Variants in NALF1 observed in about 807,000 individuals in gnomAD.
The protein encoded by NALF1 is family with sequence similarity 155 member A.
NALF1 carries 3 observed loss-of-function variants against 48.4 expected under a neutral mutation model. The observed-to-expected ratio is 0.06, with a 90% CI of 0.03 to 0.16. The LOEUF (loss-of-function observed/expected upper bound fraction) is 0.16. Ranked by LOEUF, NALF1 falls within the 10% of genes least tolerant of loss-of-function variation. The pLI, the probability that NALF1 is intolerant of heterozygous loss-of-function variation, is 1.00. For missense variants in NALF1, 526 were observed against 571.5 expected (o/e 0.92, Z 0.81); for synonymous variants, 262 against 245.7 (o/e 1.07, Z -0.62).
At chr13:107,315,872 T>C (rs1046170094) in intron 1 of NALF1, among the ~76,000 whole-genome samples, 1 of 150,020 alleles carries the variant, frequency 6.7e-6, no homozygotes, top group African/African-American at 2.4e-5. Context: ...GCCCAAAATA[T>C]CTTATTTTTT....
intron 2 of NALF1, among the ~76,000 whole-genome samples, chr13:107,206,420 C>T (rs754353961): frequency 1.3e-5 from 2 of 152,112 alleles, no homozygotes; most frequent in African/African-American, 2.4e-5. Flanking sequence ...AAGTAAGTTC[C>T]TGGCTTACTA....
chr13:107,595,199 T>C (rs945813086), intron 1 of NALF1, among the ~76,000 whole-genome samples: 32 of 152,210 alleles, frequency 2.1e-4, no homozygotes, highest in Admixed American at 1.4e-3. Context: ...ACCTAGTCAT[T>C]TGGAAATTGT....
At chr13:107,694,372 C>G (rs1043408726) in intron 1 of NALF1, among the ~76,000 whole-genome samples, 4 of 152,096 alleles carry the variant, frequency 2.6e-5, no homozygotes, top group African/African-American at 9.7e-5. Flanking sequence ...TAAGGAAAGG[C>G]AGGCTGCATT....
chr13:107,563,818 T>C (rs1211249441), intron 1 of NALF1, among the ~76,000 whole-genome samples: 1 of 152,214 alleles, frequency 6.6e-6, no homozygotes, highest in Non-Finnish European at 1.5e-5. Context: ...AACATTTACT[T>C]GTATAATTTT....
At chr13:107,833,899 C>T (rs1023840416) in intron 1 of NALF1, among the ~76,000 whole-genome samples, 3 of 151,606 alleles carry the variant, frequency 2.0e-5, no homozygotes, top group African/African-American at 7.3e-5. Flanking sequence ...TTTAATAATG[C>T]CATTCACTAA....
At chr13:107,520,326 T>C (rs974801334) in intron 1 of NALF1, among the ~76,000 whole-genome samples, 1 of 152,212 alleles carries the variant, frequency 6.6e-6, no homozygotes, top group African/African-American at 2.4e-5. Context: ...TACAAATGAA[T>C]TTCAGGCCTC....
chr13:107,299,456 TAATAATAATAATAATA>T (rs963873216), intron 1 of NALF1, among the ~76,000 whole-genome samples: 14 of 48,930 alleles, frequency 2.9e-4, no homozygotes, highest in Admixed American at 7.5e-4. Flanking sequence ...ATAATAATAA[TAATAATAATAATAATA>T]AATAAATAAA....
chr13:107,331,686 T>C (rs1281270932), intron 1 of NALF1, among the ~76,000 whole-genome samples: 3 of 152,152 alleles, frequency 2.0e-5, no homozygotes, highest in Non-Finnish European at 1.5e-5. Context: ...GAAATAACAA[T>C]AGGATTTAGA....
At chr13:107,567,171 A>T (rs2138398275) in intron 1 of NALF1, among the ~76,000 whole-genome samples, 1 of 152,186 alleles carries the variant, frequency 6.6e-6, no homozygotes, top group South Asian at 2.1e-4. Flanking sequence ...TTTTTTAAAA[A>T]CTCAGTTTCA....
At chr13:107,774,777 T>C (rs1010009131) in intron 1 of NALF1, among the ~76,000 whole-genome samples, 6 of 152,152 alleles carry the variant, frequency 3.9e-5, no homozygotes, top group Non-Finnish European at 5.9e-5. Flanking sequence ...ACTATTAAAT[T>C]AGCCATGCTA....
intron 1 of NALF1, among the ~76,000 whole-genome samples, chr13:107,438,375 A>G (rs995238473): frequency 2.0e-5 from 3 of 152,246 alleles, no homozygotes; most frequent in Non-Finnish European, 4.4e-5. Context: ...GTAAAGTGAC[A>G]AAGGGATTAG....
At chr13:107,719,141 G>C (rs1439261350) in intron 1 of NALF1, among the ~76,000 whole-genome samples, 2 of 152,172 alleles carry the variant, frequency 1.3e-5, no homozygotes, top group African/African-American at 4.8e-5. Flanking sequence ...TCACCAAAAA[G>C]ATTCTTCAAT....
intron 1 of NALF1, among the ~76,000 whole-genome samples, chr13:107,659,108 CACACAG>C (rs959589512): frequency 2.4e-4 from 30 of 125,058 alleles, no homozygotes; most frequent in South Asian, 1.9e-3. Context: ...GACACACTGA[CACACAG>C]ACACACACAC....
At chr13:107,385,233 T>C (rs1295449267) in intron 1 of NALF1, among the ~76,000 whole-genome samples, 1 of 152,176 alleles carries the variant, frequency 6.6e-6, no homozygotes, top group Non-Finnish European at 1.5e-5. Context: ...TTTTCCTTTC[T>C]AAATAAAAAC....
chr13:107,866,340 T>C lies in NALF1; in HGVS notation c.257A>G (p.Gln86Arg), dbSNP rs987398950. The C allele has an allele frequency of 1.4e-6, 2 of 1,413,346 alleles. No homozygotes were observed. Among genetic ancestry groups the C allele is most frequent in the East Asian group, 2.6e-5 (1 of 38,584 alleles). The allele number at this position is 1,413,346 out of a possible 1,614,324, so 87.6% of individuals were successfully genotyped here. A position where few individuals can be genotyped will look rare whatever the true frequency, so the allele number is the denominator to read the frequency against. The change falls in exon 1 of 3, where the codon CAG becomes CGG. Residue 86 changes from glutamine to arginine, a missense_variant. Coordinates refer to ENST00000375915, the MANE Select transcript of NALF1 (RefSeq NM_001080396.3). This position sits in a 1 kb window ranked among gnomAD's most constrained non-coding sequence, Gnocchi z 4.4. ...QRQQQQQQQQ[Q>R]RQRQQQQQQR... ...CTGCTGCTGCTGCTGCCGCTGCCTCTGCTGCTGCTGCTGCTGCTGCTGCTG... is the reference window on the plus strand; with the variant it reads ...CTGCTGCTGCTGCTGCCGCTGCCTCCGCTGCTGCTGCTGCTGCTGCTGCTG...
At chr13:107,697,140 C>T (rs1881718410) in intron 1 of NALF1, among the ~76,000 whole-genome samples, 2 of 152,092 alleles carry the variant, frequency 1.3e-5, no homozygotes, top group South Asian at 4.1e-4. Context: ...AGTTAAGTTA[C>T]TGCCTAAGGT....
chr13:107,172,955 ATAT>A (rs1878836451), intron 2 of NALF1, among the ~76,000 whole-genome samples: 1 of 152,150 alleles, frequency 6.6e-6, no homozygotes. Flanking sequence ...GGCACAATTA[ATAT>A]TCTTTCTTTT....
At chr13:107,444,882 C>A (rs1370168452) in intron 1 of NALF1, among the ~76,000 whole-genome samples, 1 of 152,152 alleles carries the variant, frequency 6.6e-6, no homozygotes, top group Non-Finnish European at 1.5e-5. Flanking sequence ...TTTTCCCAAT[C>A]TTACTTCATC....
chr13:107,661,451 C>T (rs747007360), intron 1 of NALF1, among the ~76,000 whole-genome samples: 2 of 152,140 alleles, frequency 1.3e-5, no homozygotes, highest in African/African-American at 4.8e-5. Flanking sequence ...GTAGAGAAGA[C>T]GTTATCACAG....
Sources: allele counts gnomAD v4.1 joint callset (sites outside exome capture counted in the v4.1 genomes callset), GRCh38; gene constraint gnomAD v4.1.1; non-coding constraint Gnocchi (gnomAD v3.1); transcripts MANE v1.5; gene names NCBI Gene and HGNC (gene_info 2026-07-23, HGNC 2026-07-21).